The following PLCB1 variants were observed in gnomAD, a reference collection of about 807,000 sequenced individuals.
The protein encoded by PLCB1 is phospholipase C beta 1, also known as 1-phosphatidylinositol 4,5-bisphosphate phosphodiesterase beta-1.
In PLCB1, 46 loss-of-function variants were observed where a neutral mutation model predicts 161.8. The observed-to-expected ratio is 0.28, with a 90% CI of 0.22 to 0.36. PLCB1 has a LOEUF of 0.36. Among genes scored for constraint, PLCB1 ranks in the 10% least tolerant of loss-of-function variants. The pLI, the probability that PLCB1 is intolerant of heterozygous loss-of-function variation, is 1.00. For missense variants in PLCB1, 1,016 were observed against 1,472.5 expected, an observed-to-expected ratio of 0.69 and a Z score of 5.07; for synonymous variants, 517 against 503.7, an observed-to-expected ratio of 1.03 and a Z score of -0.35.
At chr20:8,225,372 G>A (rs1568596748) in intron 2 of PLCB1, among the ~76,000 whole-genome samples, 1 of 152,082 alleles carries the variant, frequency 6.6e-6, no homozygotes, top group Non-Finnish European at 1.5e-5. Context: ...ATTGTAAATT[G>A]GGGGAGAGTC....
chr20:8,417,477 C>T (rs921078557), intron 3 of PLCB1, among the ~76,000 whole-genome samples: 2 of 150,562 alleles, frequency 1.3e-5, no homozygotes, highest in Non-Finnish European at 2.9e-5. Flanking sequence ...TAGGTAAAAA[C>T]AGTGTCATTG....
At chr20:8,318,549 T>G (rs1984764078) in intron 2 of PLCB1, among the ~76,000 whole-genome samples, 1 of 152,082 alleles carries the variant, frequency 6.6e-6, no homozygotes. Context: ...ATCCCTGAGT[T>G]CTCAGAGGTT....
chr20:8,842,350 CTGTT>C (rs1488512052), intron 31 of PLCB1, among the ~76,000 whole-genome samples: 24 of 152,238 alleles, frequency 1.6e-4, no homozygotes, highest in African/African-American at 2.2e-4. Context: ...CTGATTTTGA[CTGTT>C]TGTAAGTCTA....
At chr20:8,641,427 C>A (rs943167917) in intron 4 of PLCB1, among the ~76,000 whole-genome samples, 3 of 152,168 alleles carry the variant, frequency 2.0e-5, no homozygotes, top group African/African-American at 7.2e-5. Context: ...GAATCTATTA[C>A]CTATTTTATA....
chr20:8,403,050 G>T (rs572539365), intron 3 of PLCB1, among the ~76,000 whole-genome samples: 14 of 152,104 alleles, frequency 9.2e-5, no homozygotes, highest in Non-Finnish European at 2.1e-4. Flanking sequence ...TGTTGTATAT[G>T]ATATCATTTT....
At chr20:8,803,212 A>T (rs1375102125) in intron 31 of PLCB1, among the ~76,000 whole-genome samples, 1 of 151,214 alleles carries the variant, frequency 6.6e-6, no homozygotes, top group Non-Finnish European at 1.5e-5. Context: ...AACTGCAGAC[A>T]CTTATCTAGG....
chr20:8,399,322 T>G (rs554594363), intron 3 of PLCB1, among the ~76,000 whole-genome samples: 3 of 152,312 alleles, frequency 2.0e-5, no homozygotes, highest in Admixed American at 6.5e-5. Context: ...AATCCAGTTG[T>G]GCCAACACCA....
chr20:8,766,997 A>G (rs1982351072), intron 26 of PLCB1, among the ~76,000 whole-genome samples: 1 of 152,136 alleles, frequency 6.6e-6, no homozygotes, highest in Non-Finnish European at 1.5e-5. Context: ...TTGTTTTAAA[A>G]AGATCGTAAA....
chr20:8,752,593 G>A (rs1382197437), intron 23 of PLCB1, among the ~76,000 whole-genome samples: 1 of 152,016 alleles, frequency 6.6e-6, no homozygotes, highest in Non-Finnish European at 1.5e-5. Flanking sequence ...AGGAGTTCGA[G>A]ACCAGCCTGG....
intron 2 of PLCB1, among the ~76,000 whole-genome samples, chr20:8,168,276 T>C (rs1335897022): frequency 6.6e-6 from 1 of 152,200 alleles, no homozygotes. Flanking sequence ...TGTTTTTGAA[T>C]TACATACAAA....
intron 3 of PLCB1, among the ~76,000 whole-genome samples, chr20:8,377,780 G>GA (rs960548081): frequency 3.5e-4 from 53 of 152,184 alleles, no homozygotes; most frequent in African/African-American, 1.3e-3. Flanking sequence ...TATTTAAACA[G>GA]AAAAAAATCC....
At chr20:8,633,837 G>C (rs1004723010) in intron 4 of PLCB1, among the ~76,000 whole-genome samples, 5 of 151,906 alleles carry the variant, frequency 3.3e-5, no homozygotes, top group Non-Finnish European at 2.9e-5. Flanking sequence ...TGATAGATTA[G>C]TCTTACCTGT....
At chr20:8,373,972 G>T (rs1025048422) in intron 3 of PLCB1, among the ~76,000 whole-genome samples, 1 of 152,114 alleles carries the variant, frequency 6.6e-6, no homozygotes, top group African/African-American at 2.4e-5. Context: ...CAGCGGAATT[G>T]CCAGGTTCAG....
chr20:8,196,975 A>C (rs2052031888), intron 2 of PLCB1, among the ~76,000 whole-genome samples: 1 of 152,088 alleles, frequency 6.6e-6, no homozygotes, highest in Non-Finnish European at 1.5e-5. Flanking sequence ...AGCTTCATCC[A>C]TGTCCCTACA....
intron 31 of PLCB1, among the ~76,000 whole-genome samples, chr20:8,814,133 C>T (rs966826368): frequency 6.6e-6 from 1 of 152,224 alleles, no homozygotes; most frequent in Non-Finnish European, 1.5e-5. Flanking sequence ...CATGATCATT[C>T]GTATATCTAC....
intron 9 of PLCB1, among the ~76,000 whole-genome samples, chr20:8,662,474 A>C (rs1989701388): frequency 8.2e-6 from 1 of 122,472 alleles, no homozygotes; most frequent in African/African-American, 2.8e-5. Context: ...ATTATGTATA[A>C]TATATATATA....
At chr20:8,780,221 C>T (rs1450827969) in intron 27 of PLCB1, among the ~76,000 whole-genome samples, 12 of 152,132 alleles carry the variant, frequency 7.9e-5, no homozygotes, top group African/African-American at 1.4e-4. Flanking sequence ...ACCTGAGGGT[C>T]CCCAATCACT....
chr20:8,158,024 T>G (rs992275249), intron 2 of PLCB1, among the ~76,000 whole-genome samples: 1 of 152,226 alleles, frequency 6.6e-6, no homozygotes, highest in African/African-American at 2.4e-5. Flanking sequence ...CTCTTCCCAC[T>G]ACTTTAGGAG....
chr20:8,539,858 GGTGGAAATAAACAGAA>G (rs1263266688), intron 3 of PLCB1, among the ~76,000 whole-genome samples: 1 of 151,436 alleles, frequency 6.6e-6, no homozygotes, highest in Non-Finnish European at 1.5e-5. Context: ...AAAACACACT[GGTGGAAATAAACAGAA>G]GTGAGAACAT....
Sources: gnomAD v4.1 joint callset for allele counts (sites outside exome capture counted in the v4.1 genomes callset) on GRCh38, gnomAD v4.1.1 for gene constraint, MANE v1.5 for transcripts, NCBI Gene and HGNC (gene_info 2026-07-23, HGNC 2026-07-21) for gene names.